The following ARL15 variants were observed in gnomAD, a reference collection of about 807,000 sequenced individuals.
ARL15 encodes the protein ARF like GTPase 15, also known as ADP-ribosylation factor-like protein 15.
In ARL15, 19 loss-of-function variants were observed where a neutral mutation model predicts 25.2. The ratio of observed to expected loss-of-function variants is 0.75; its 90% CI spans 0.53 to 1.10. The LOEUF is 1.10. Among genes scored for constraint, ARL15 ranks in the 50% least tolerant of loss-of-function variants. The probability of loss-of-function intolerance (pLI) is 0.00; values close to 1 mark genes in which losing one functional copy is unlikely to be tolerated. For missense variants in ARL15, 220 were observed against 246.0 expected (o/e 0.89, Z 0.71); for synonymous variants, 94 against 86.8 (o/e 1.08, Z -0.46).
rs573072281 is a variant in ARL15, at chr5:53,946,995, G to A, written c.463-60282C>T. 2.0e-5 allele frequency among the ~76,000 whole-genome samples: 3 copies of A among 152,220 alleles called. No homozygotes were observed. In the East Asian group the frequency reaches 5.8e-4, roughly 29 times the overall value. On this transcript the variant is annotated intron_variant, in intron 4 of 4. Coordinates refer to ENST00000504924, the MANE Select transcript of ARL15 (RefSeq NM_019087.3). ...TCAATCATGTATGTGGGATCTCATT[G>A]TTGTAGAGCTAATAAAACAAGGACA...
intron 4 of ARL15, among the ~76,000 whole-genome samples, chr5:54,068,434 A>T (rs1427976359): frequency 1.3e-5 from 2 of 152,194 alleles, no homozygotes; most frequent in African/African-American, 4.8e-5. Flanking sequence ...GACCACAACC[A>T]TTTGGACCAA....
intron 4 of ARL15, among the ~76,000 whole-genome samples, chr5:53,943,052 C>T (rs553369307): frequency 2.2e-4 from 34 of 151,866 alleles, no homozygotes; most frequent in Non-Finnish European, 4.4e-4. Flanking sequence ...AGGAGCTTCA[C>T]GATAAGTGTG....
chr5:54,198,097 C>A (rs185419492), intron 1 of ARL15, among the ~76,000 whole-genome samples: 4,364 of 152,042 alleles, frequency 0.029, 202 homozygotes, highest in African/African-American at 0.098. Flanking sequence ...ATTCAACAAC[C>A]CTTCATGTTA....
intron 1 of ARL15, among the ~76,000 whole-genome samples, chr5:54,260,367 T>C (rs1386037861): frequency 6.6e-6 from 1 of 152,224 alleles, no homozygotes; most frequent in Non-Finnish European, 1.5e-5. Flanking sequence ...ACCACTCTAT[T>C]TGACATTACA....
chr5:53,963,617 G>A (rs1318536249), intron 4 of ARL15, among the ~76,000 whole-genome samples: 2 of 152,132 alleles, frequency 1.3e-5, no homozygotes, highest in African/African-American at 4.8e-5. Context: ...AGACCAGCCT[G>A]GCCAACATGG....
At position 54,296,083 on chromosome 5, in the gene ARL15, A is replaced by G. The variant is rs993689399; in HGVS notation, c.48+14349T>C. 3.3e-5 allele frequency among the ~76,000 whole-genome samples: 5 copies of G among 152,342 alleles called. No homozygotes were observed. In the South Asian group the frequency reaches 8.3e-4, roughly 25 times the overall value. On this transcript the variant is annotated intron_variant, in intron 1 of 4. Transcript: ENST00000504924. Reference sequence around the variant, plus strand: ...GATGTGGGCCACCCTCTTCCCTGCCAGGACCTTTCACCCTGTGAATCAGAA... The same window carrying G: ...GATGTGGGCCACCCTCTTCCCTGCCGGGACCTTTCACCCTGTGAATCAGAA...
At chr5:53,909,532 C>T (rs958306661) in intron 4 of ARL15, among the ~76,000 whole-genome samples, 30 of 152,118 alleles carry the variant, frequency 2.0e-4, no homozygotes, top group Non-Finnish European at 4.0e-4. Context: ...CATGGAGAAA[C>T]CCTGTCTCTA....
chr5:53,940,001 C>T (rs1168069374), intron 4 of ARL15, among the ~76,000 whole-genome samples: 3 of 139,568 alleles, frequency 2.1e-5, no homozygotes, highest in East Asian at 4.3e-4. Context: ...TTTTTTGAGA[C>T]GGAGCCTCGC....
chr5:54,207,940 C>T (rs553093872), intron 1 of ARL15, among the ~76,000 whole-genome samples: 2 of 152,278 alleles, frequency 1.3e-5, no homozygotes, highest in African/African-American at 2.4e-5. Flanking sequence ...TACTGAAGAT[C>T]ACTAGGCACA....
chr5:54,245,222 G>T (rs1274057960), intron 1 of ARL15, among the ~76,000 whole-genome samples: 2 of 152,082 alleles, frequency 1.3e-5, no homozygotes, highest in Non-Finnish European at 1.5e-5. Context: ...TTATGGATTT[G>T]TAATTAGTAA....
intron 1 of ARL15, among the ~76,000 whole-genome samples, chr5:54,194,643 C>T (rs1740658156): frequency 6.6e-6 from 1 of 152,074 alleles, no homozygotes; most frequent in African/African-American, 2.4e-5. Context: ...AATCTTAGAC[C>T]TGGCAAAAAA....
intron 1 of ARL15, among the ~76,000 whole-genome samples, chr5:54,221,825 GCACACA>G (rs3035310): frequency 0.17 from 23,699 of 141,982 alleles, 1,879 homozygotes; most frequent in South Asian, 0.19. Context: ...CAAGAAACAT[GCACACA>G]CACACACACA....
chr5:54,310,198 C>A, intron 1 of ARL15: 1 of 471,342 alleles, frequency 2.1e-6, no homozygotes, highest in Non-Finnish European at 3.7e-6. Context: ...GCGACCCTCG[C>A]CCTGCAGCCG....
intron 1 of ARL15, among the ~76,000 whole-genome samples, chr5:54,257,065 A>C (rs923937792): frequency 2.0e-5 from 3 of 152,242 alleles, no homozygotes; most frequent in Non-Finnish European, 4.4e-5. Context: ...ACTTCTGCTA[A>C]ACGTAGTACT....
intron 1 of ARL15, among the ~76,000 whole-genome samples, chr5:54,266,693 A>G (rs1260307152): frequency 1.3e-5 from 2 of 152,240 alleles, no homozygotes; most frequent in Non-Finnish European, 2.9e-5. Flanking sequence ...AATATAGTCA[A>G]TTAATCTAAA....
chr5:53,904,560 AG>A (rs1287616136), intron 4 of ARL15, among the ~76,000 whole-genome samples: 1 of 152,180 alleles, frequency 6.6e-6, no homozygotes, highest in African/African-American at 2.4e-5. Flanking sequence ...TTTAACTTAT[AG>A]TTCCATTTTA....
At chr5:53,942,078 T>C (rs1746556737) in intron 4 of ARL15, among the ~76,000 whole-genome samples, 1 of 152,064 alleles carries the variant, frequency 6.6e-6, no homozygotes, top group Admixed American at 6.5e-5. Flanking sequence ...CAGAGAGGAA[T>C]GGTTGCAGGT....
At chr5:54,159,890 GAATTGT>G (rs1754353362) in intron 2 of ARL15, among the ~76,000 whole-genome samples, 1 of 152,186 alleles carries the variant, frequency 6.6e-6, no homozygotes, top group Non-Finnish European at 1.5e-5. Context: ...AGCATTCCTG[GAATTGT>G]AACAAAATTA....
chr5:54,220,048 CAG>C (rs1204271314), intron 1 of ARL15, among the ~76,000 whole-genome samples: 1 of 152,046 alleles, frequency 6.6e-6, no homozygotes. Flanking sequence ...ATTCCTATAA[CAG>C]ATTATTTAAA....
Sources: gnomAD v4.1 joint callset for allele counts (sites outside exome capture counted in the v4.1 genomes callset) on GRCh38, gnomAD v4.1.1 for gene constraint, MANE v1.5 for transcripts, NCBI Gene and HGNC (gene_info 2026-07-23, HGNC 2026-07-21) for gene names.